Variants in ADH1A observed in about 807,000 individuals in gnomAD.
ADH1A encodes alcohol dehydrogenase 1A (class I), alpha polypeptide, also known as alcohol dehydrogenase 1A.
In ADH1A, 29 loss-of-function variants were observed where a neutral mutation model predicts 35.2. The observed-to-expected ratio is 0.82, with a 90% CI of 0.61 to 1.12. The LOEUF (loss-of-function observed/expected upper bound fraction) is 1.12, where lower values mean the gene tolerates loss of function less well. ADH1A is among the 50% of genes most tolerant of loss of function. ADH1A has a pLI of 0.00. For synonymous variants in ADH1A, 147 were observed against 164.8 expected, an observed-to-expected ratio of 0.89 and a Z score of 0.83; for missense variants, 469 against 464.7, an observed-to-expected ratio of 1.01 and a Z score of -0.09.
intron 8 of ADH1A, among the ~76,000 whole-genome samples, chr4:99,277,619 G>A (rs1209139447): frequency 6.6e-6 from 1 of 151,836 alleles, no homozygotes; most frequent in East Asian, 1.9e-4. Context: ...TTCTTACTAG[G>A]CATATGTACA....
At chr4:99,287,921 G>A (rs925846644) in intron 1 of ADH1A, among the ~76,000 whole-genome samples, 2 of 152,172 alleles carry the variant, frequency 1.3e-5, no homozygotes, top group Non-Finnish European at 2.9e-5. Flanking sequence ...CCATCCTTAT[G>A]TTGTTGTTGT....
At chr4:99,278,897 T>C (rs753354283) in intron 8 of ADH1A, among the ~76,000 whole-genome samples, 5 of 151,972 alleles carry the variant, frequency 3.3e-5, no homozygotes, top group Non-Finnish European at 7.4e-5. Flanking sequence ...TAACTTTTAT[T>C]GATAAAAAAA....
chr4:99,284,783 CGAGTGGGATGACTTTA>C lies in ADH1A; in HGVS notation c.264_279del (p.Asp88GlufsTer21), dbSNP rs775534065. On this transcript the variant is annotated frameshift_variant, in exon 4 of 9. Transcript: ENST00000209668. LOFTEE classifies it high-confidence loss of function. Reference sequence around the variant, plus strand: ...CTGCATTTTCCACACTGAGGAATAGCGAGTGGGATGACTTTATCACCTGGAGAGGGATAAAACAAAT... The same window carrying C: ...CTGCATTTTCCACACTGAGGAATAGCTCACCTGGAGAGGGATAAAACAAAT... 1.9e-6 allele frequency: 3 copies of C among 1,613,960 alleles called. No homozygotes were observed. The African/African-American group carries it at 4.0e-5, about 22-fold the overall frequency.
chr4:99,285,954 G>GGAGGTTGCAGTGAGCT (rs1266527014), intron 3 of ADH1A, among the ~76,000 whole-genome samples: 2 of 146,362 alleles, frequency 1.4e-5, no homozygotes, highest in Non-Finnish European at 3.0e-5. Flanking sequence ...CCCGGGAGGT[G>GGAGGTTGCAGTGAGCT]GAGGTTGCAG....
chr4:99,277,666 A>G (rs1402864855), intron 8 of ADH1A, among the ~76,000 whole-genome samples: 1 of 152,054 alleles, frequency 6.6e-6, no homozygotes, highest in Non-Finnish European at 1.5e-5. Context: ...GCGATATTGT[A>G]TATAAAATTT....
intron 1 of ADH1A, among the ~76,000 whole-genome samples, chr4:99,289,171 G>A (rs1161844234): frequency 4.6e-5 from 7 of 152,124 alleles, no homozygotes; most frequent in Admixed American, 4.6e-4. Flanking sequence ...TGGCTGAGTA[G>A]TATTCCATGG....
In ADH1A at chr4:99,287,589, G is replaced by A. The variant is rs776623184; in HGVS notation, c.95C>T (p.Pro32Leu). 6.2e-7 allele frequency: 1 copy of A among 1,613,790 alleles called. No individual in the cohort carries two copies. The change falls in exon 2 of 9, where the codon CCT (proline) becomes CTT (leucine). Residue 32 changes from proline (P) to leucine (L), a missense_variant. Physicochemically the swap from Pro to Leu is moderately conservative, Grantham distance 98. Transcript: ENST00000209668. ...CTTAATACGAACTTCATGGGCCTTAGGAGGTGCAACCTCCACCTCCTCAAT... is the reference window on the plus strand; with the variant it reads ...CTTAATACGAACTTCATGGGCCTTAAGAGGTGCAACCTCCACCTCCTCAAT... ...FSIEEVEVAP[P>L]KAHEVRIKMV... is the part of the protein sequence containing the mutation.
At chr4:99,287,793 T>C in intron 1 of ADH1A, 128 bp from the exon 2 acceptor site, 1 of 913,922 alleles carries the variant, frequency 1.1e-6, no homozygotes. Flanking sequence ...TCTATAGAAA[T>C]GATCACCTCT....
At position 99,286,872 on chromosome 4, in the gene ADH1A, T is replaced by G. The variant is rs766069801; in HGVS notation, c.237A>C (p.Glu79Asp). 6.2e-7 allele frequency: 1 copy of G among 1,614,162 alleles called. No individual in the cohort carries two copies. The highest frequency in any genetic ancestry group is 2.2e-5 in the East Asian group (1 of 44,884). The change falls in exon 3 of 9, where the codon GAA (glutamate) becomes GAC (aspartate). Residue 79 changes from glutamate to aspartate, a missense_variant. By Grantham distance (45) the Glu-to-Asp change is conservative. Transcript: ENST00000209668. ...EAAGIVESVG[E>D]GVTTVKPGDK... ...TACCTGGTTTGACTGTAGTCACCCC[T>G]TCTCCAACACTCTCCACGATGCCGG...
chr4:99,288,373 A>G lies in ADH1A; in HGVS notation c.19-708T>C, dbSNP rs1579495457. Among the ~76,000 whole-genome samples the G allele has an allele frequency of 2.0e-5, 3 of 151,152 alleles. No individual in the cohort carries two copies. In the South Asian group the frequency reaches 6.3e-4, roughly 32 times the overall value. On this transcript the variant is annotated intron_variant, in intron 1 of 8. Transcript: ENST00000209668. ...TGTGTGTGTGTATGTGTGTGTGTGT[A>G]TACACTCAGACCTACACATACATAT... is the stretch of plus-strand genomic sequence containing the variant.
chr4:99,290,742 T>A (rs1403186373), intron 1 of ADH1A, among the ~76,000 whole-genome samples, 155 bp downstream of exon 1: 1 of 152,234 alleles, frequency 6.6e-6, no homozygotes, highest in Non-Finnish European at 1.5e-5. Context: ...TGTAGTTCAG[T>A]ATACATTACA....
At chr4:99,286,282 T>C (rs535328942) in intron 3 of ADH1A, among the ~76,000 whole-genome samples, 23 of 152,184 alleles carry the variant, frequency 1.5e-4, no homozygotes, top group Admixed American at 3.3e-4. Flanking sequence ...TTTCTATGTT[T>C]CTTTCATTTC....
intron 5 of ADH1A, among the ~76,000 whole-genome samples, chr4:99,283,297 A>G (rs1329626809): frequency 2.0e-5 from 3 of 152,196 alleles, no homozygotes; most frequent in Non-Finnish European, 2.9e-5. Context: ...AGACGAGGCA[A>G]TTGAACAAGG....
chr4:99,277,143 T>C (rs966914436), intron 8 of ADH1A, among the ~76,000 whole-genome samples: 1 of 152,060 alleles, frequency 6.6e-6, no homozygotes, highest in Non-Finnish European at 1.5e-5. Flanking sequence ...ATATCTAGTA[T>C]AGAGTTTTGG....
In ADH1A at chr4:99,282,374, A is replaced by T. The variant is rs758550590; in HGVS notation, c.800T>A (p.Phe267Tyr). ...EMTDGGVDFS[F>Y]EVIGRLDTMM... ...GGTGTCAAGCCGACCGATGACTTCA[A>T]ATGAAAAATCCACACCTCCATCAGT... Residue 267 changes from phenylalanine (F) to tyrosine (Y), a missense_variant, in exon 6 of 9, where the codon TTT becomes TAT. By Grantham distance (22) the Phe-to-Tyr change is conservative. Transcript: ENST00000209668. The T allele has an allele frequency of 6.2e-7, 1 of 1,614,146 alleles. No individual in the cohort carries two copies. The highest frequency in any genetic ancestry group is 8.5e-7 in the Non-Finnish European group (1 of 1,179,996).
In ADH1A at chr4:99,287,605, C is replaced by A; in HGVS notation, c.79G>T (p.Val27Leu). The change falls in exon 2 of 9, where the codon GTG (valine) becomes TTG (leucine). Residue 27 changes from valine to leucine, a missense_variant. Val to Leu is a conservative substitution (Grantham distance 32, BLOSUM62 1). Transcript: ENST00000209668. ...TGGGCCTTAGGAGGTGCAACCTCCA[C>A]CTCCTCAATGGAAAAGGGTTTCTTT... ...ELKKPFSIEE[V>L]EVAPPKAHEV... 6.2e-7 allele frequency: 1 copy of A among 1,613,934 alleles called. No individual in the cohort carries two copies. Among genetic ancestry groups the A allele is most frequent in the Non-Finnish European group, 8.5e-7 (1 of 1,179,880 alleles).
chr4:99,279,453 C>G lies in ADH1A; in HGVS notation c.1076G>C (p.Gly359Ala). The change falls in exon 8 of 9, where the codon GGA (glycine) becomes GCA (alanine). Residue 359 changes from glycine to alanine, a missense_variant. Gly to Ala is a moderately conservative substitution (Grantham distance 60, BLOSUM62 0). Coordinates refer to ENST00000209668, the MANE Select transcript of ADH1A (RefSeq NM_000667.4). The part of the protein sequence containing the change: ...HVLPFEKINE[G>A]FDLLHSGKSI... ...TTTCCCAGAGTGAAGCAGGTCAAAT[C>G]CTTCATTTATTTTTTCAAAAGGTAA... is the stretch of plus-strand genomic sequence containing the variant. The G allele has an allele frequency of 6.2e-7, 1 of 1,606,556 alleles. No homozygotes were observed. Among genetic ancestry groups the G allele is most frequent in the Non-Finnish European group, 8.5e-7 (1 of 1,177,782 alleles).
At position 99,286,894 on chromosome 4, in the gene ADH1A, C is replaced by T. The variant is rs1349900171; in HGVS notation, c.215G>A (p.Gly72Asp). The T allele has an allele frequency of 1.2e-6, 2 of 1,614,158 alleles. No individual in the cohort carries two copies. Among genetic ancestry groups the T allele is most frequent in the East Asian group, 4.5e-5 (2 of 44,878 alleles). Residue 72 changes from glycine (G) to aspartate (D), a missense_variant, in exon 3 of 9, where the codon GGC becomes GAC. Transcript: ENST00000209668. ...LPVILGHEAA[G>D]IVESVGEGVT... The stretch of plus-strand genomic sequence containing the variant: ...CCCTTCTCCAACACTCTCCACGATG[C>T]CGGCTGCCTCATGGCCTAAAATCAC...
intron 1 of ADH1A, among the ~76,000 whole-genome samples, chr4:99,290,230 T>G (rs1219964488): frequency 6.6e-6 from 1 of 152,158 alleles, no homozygotes; most frequent in African/African-American, 2.4e-5. Flanking sequence ...TCAAATTGTA[T>G]TATTAATTTT....
Sources: gnomAD v4.1 joint callset for allele counts (sites outside exome capture counted in the v4.1 genomes callset) on GRCh38, gnomAD v4.1.1 for gene constraint, MANE v1.5 for transcripts, NCBI Gene and HGNC (gene_info 2026-07-23, HGNC 2026-07-21) for gene names.